Variants in NEBL observed in about 807,000 individuals in gnomAD.
The protein encoded by NEBL is nebulette, also known as LIM and SH3 protein 2.
In NEBL, 122 loss-of-function variants were observed where a neutral mutation model predicts 140.2. The ratio of observed to expected loss-of-function variants is 0.87; its 90% CI spans 0.75 to 1.01. The LOEUF (loss-of-function observed/expected upper bound fraction) is 1.01, where lower values mean the gene tolerates loss of function less well. NEBL is among the 50% of genes least tolerant of loss of function. The pLI, the probability that NEBL is intolerant of heterozygous loss-of-function variation, is 0.00. For missense variants in NEBL, 1,365 were observed against 1,231.3 expected (o/e 1.11, Z -1.62); for synonymous variants, 436 against 398.9 (o/e 1.09, Z -1.11).
Position 20,888,847 on chromosome 10 carries a change from T to C in NEBL, c.259-640A>G, listed in dbSNP as rs146958309. Among the ~76,000 whole-genome samples, 339 of 152,346 alleles carry C rather than the reference T, an allele frequency of 2.2e-3. 1 individual carries two copies. Among genetic ancestry groups the C allele is most frequent in the African/African-American group, 7.9e-3 (330 of 41,582 alleles). On this transcript the variant is annotated intron_variant, in intron 3 of 27. Transcript: ENST00000377122. The stretch of plus-strand genomic sequence containing the variant: ...AATCAATAATTGAGAACATCAAGTA[T>C]TTATCTGCACGGGAGAATGGAACAT...
chr10:21,245,540 T>C (rs1347241112), intron 3 of NEBL, among the ~76,000 whole-genome samples: 1 of 152,300 alleles, frequency 6.6e-6, no homozygotes, highest in South Asian at 2.1e-4. Flanking sequence ...GTTGTTGTTG[T>C]TGTTGTTTTG....
intron 3 of NEBL, among the ~76,000 whole-genome samples, chr10:20,982,951 A>G (rs1037090062): frequency 6.6e-6 from 1 of 152,180 alleles, no homozygotes; most frequent in Non-Finnish European, 1.5e-5. Flanking sequence ...ATTCACTAGA[A>G]TGTTTTATCT....
At chr10:20,820,346 G>A (rs2130833214) in intron 19 of NEBL, among the ~76,000 whole-genome samples, 1 of 152,268 alleles carries the variant, frequency 6.6e-6, no homozygotes, top group African/African-American at 2.4e-5. Flanking sequence ...CAAAATAAAT[G>A]AGCATCAATA....
At chr10:21,230,168 A>G (rs553705481) in intron 3 of NEBL, among the ~76,000 whole-genome samples, 1 of 152,278 alleles carries the variant, frequency 6.6e-6, no homozygotes, top group African/African-American at 2.4e-5. Context: ...TTCTCACCCT[A>G]GTTTTCCACA....
At chr10:20,796,638 A>G (rs1836573110) in intron 26 of NEBL, among the ~76,000 whole-genome samples, 1 of 152,170 alleles carries the variant, frequency 6.6e-6, no homozygotes, top group Non-Finnish European at 1.5e-5. Flanking sequence ...TTTAGATTTT[A>G]GAATTTCTGC....
At chr10:21,060,794 C>T (rs771193572) in intron 2 of NEBL, among the ~76,000 whole-genome samples, 5 of 152,056 alleles carry the variant, frequency 3.3e-5, no homozygotes, top group Non-Finnish European at 7.4e-5. Flanking sequence ...GTGATCACAA[C>T]CTCTGCATTG....
At chr10:20,901,336 G>A (rs12257745), upstream of NEBL, among the ~76,000 whole-genome samples, 10,197 of 152,176 alleles carry the variant, frequency 0.067, 1,116 homozygotes, top group African/African-American at 0.23. Flanking sequence ...AGACACAGCC[G>A]TGGCCAAGGG....
At chr10:20,972,102 C>T (rs927754917) in intron 3 of NEBL, among the ~76,000 whole-genome samples, 1 of 152,128 alleles carries the variant, frequency 6.6e-6, no homozygotes, top group African/African-American at 2.4e-5. Flanking sequence ...AAAAGAAAAG[C>T]TACATCCTAA....
intron 5 of NEBL, among the ~76,000 whole-genome samples, chr10:20,872,434 G>A (rs758679067): frequency 6.6e-6 from 1 of 152,088 alleles, no homozygotes; most frequent in Non-Finnish European, 1.5e-5. Context: ...TCAAGAGGGT[G>A]ACACTCTTGA....
chr10:20,967,983 T>C (rs1030382130), intron 3 of NEBL, among the ~76,000 whole-genome samples: 1 of 152,190 alleles, frequency 6.6e-6, no homozygotes. Context: ...ATGAGTATTA[T>C]AACCAGTAAT....
chr10:21,032,292 A>T (rs1185716716), intron 2 of NEBL, among the ~76,000 whole-genome samples: 2 of 152,210 alleles, frequency 1.3e-5, no homozygotes, highest in East Asian at 3.9e-4. Context: ...TTTCCACTTA[A>T]TGGAGCCACT....
upstream of NEBL, among the ~76,000 whole-genome samples, chr10:21,175,320 C>A (rs1044773911): frequency 6.6e-6 from 1 of 152,204 alleles, no homozygotes; most frequent in Admixed American, 6.5e-5. Context: ...TTAAATGAGT[C>A]AGCAGTTCCG....
At chr10:21,078,849 T>TTAGC (rs1836230218) in intron 2 of NEBL, among the ~76,000 whole-genome samples, 1 of 152,202 alleles carries the variant, frequency 6.6e-6, no homozygotes, top group African/African-American at 2.4e-5. Context: ...AACTTGCTTA[T>TTAGC]TAGCTGGCTG....
chr10:21,020,592 T>C (rs984682623), intron 2 of NEBL, among the ~76,000 whole-genome samples: 1 of 152,162 alleles, frequency 6.6e-6, no homozygotes, highest in African/African-American at 2.4e-5. Flanking sequence ...CCTCTCCGAC[T>C]CATTCCCCAA....
intron 5 of NEBL, among the ~76,000 whole-genome samples, chr10:20,870,051 G>A (rs1844761831): frequency 6.6e-6 from 1 of 151,672 alleles, no homozygotes; most frequent in Admixed American, 6.6e-5. Context: ...TTTGGGCCAG[G>A]CACAGTGGCT....
Position 20,782,199 on chromosome 10 carries a change from A to G in NEBL, c.*3548T>C, listed in dbSNP as rs1330764577. 1 of 152,586 alleles carries G rather than the reference A, an allele frequency of 6.6e-6. No homozygotes were observed. The highest frequency in any genetic ancestry group is 1.9e-4 in the East Asian group (1 of 5,190). 9.5% of individuals were successfully genotyped at this position (152,586 alleles called of 1,614,324 possible). The stretch of plus-strand genomic sequence containing the variant: ...CTTCCCTACCACAAAAATATCAATC[A>G]TGTGTAATAAAATATTACTATAGAA... On this transcript the variant is annotated 3_prime_UTR_variant, in exon 28 of 28. Coordinates refer to ENST00000377122, the MANE Select transcript of NEBL (RefSeq NM_006393.3).
intron 1 of NEBL, among the ~76,000 whole-genome samples, chr10:21,288,265 C>T (rs576573601): frequency 5.3e-5 from 8 of 152,122 alleles, no homozygotes; most frequent in South Asian, 2.1e-4. Flanking sequence ...GTCAGGAGTT[C>T]GAGACCAGCC....
chr10:21,055,429 C>T (rs1589182641), intron 2 of NEBL, among the ~76,000 whole-genome samples: 1 of 152,146 alleles, frequency 6.6e-6, no homozygotes. Context: ...GATCTTTTAA[C>T]TTTGGTGTCA....
At chr10:20,824,233 G>T (rs1839625476) in intron 18 of NEBL, among the ~76,000 whole-genome samples, 1 of 152,170 alleles carries the variant, frequency 6.6e-6, no homozygotes. Context: ...AAGAGGCCGT[G>T]TTGAAATTTA....
Sources: gnomAD v4.1 joint callset for allele counts (sites outside exome capture counted in the v4.1 genomes callset) on GRCh38, gnomAD v4.1.1 for gene constraint, MANE v1.5 for transcripts, NCBI Gene and HGNC (gene_info 2026-07-23, HGNC 2026-07-21) for gene names.